The following WWTR1 variants were observed in gnomAD, a reference collection of about 807,000 sequenced individuals.
The protein encoded by WWTR1 is WW domain-containing transcription regulator protein 1.
Under a neutral mutation model 40.1 loss-of-function variants are expected in WWTR1, and 13 were observed. The ratio of observed to expected loss-of-function variants is 0.32; its 90% CI spans 0.21 to 0.52. WWTR1 has a LOEUF of 0.52. Ranked by LOEUF, WWTR1 falls within the 20% of genes least tolerant of loss-of-function variation. The pLI is 0.97. For missense variants in WWTR1, 436 were observed against 523.1 expected, an observed-to-expected ratio of 0.83 and a Z score of 1.63; for synonymous variants, 230 against 210.1, an observed-to-expected ratio of 1.09 and a Z score of -0.82.
At chr3:149,683,740 C>T (rs991521888) in intron 1 of WWTR1, among the ~76,000 whole-genome samples, 2 of 151,936 alleles carry the variant, frequency 1.3e-5, no homozygotes, top group Admixed American at 1.3e-4. Context: ...TAGACAAGAG[C>T]CAGGGGTCTG....
chr3:149,562,648 A>ACAG lies in WWTR1; in HGVS notation c.568+10215_568+10216insCTG, dbSNP rs1560061626. Among the ~76,000 whole-genome samples the ACAG allele has an allele frequency of 3.2e-4, 43 of 134,986 alleles. 2 individuals are homozygous for ACAG. Among genetic ancestry groups the ACAG allele is most frequent in the African/African-American group, 9.8e-4 (36 of 36,698 alleles). 88.6% of individuals were successfully genotyped at this position (134,986 alleles called of 152,430 possible). A position where few individuals can be genotyped will look rare whatever the true frequency, so the allele number is the denominator to read the frequency against. On this transcript the variant is annotated intron_variant, in intron 3 of 6. Transcript: ENST00000360632. ...ACACACACACACACACACACACACA[A>ACAG]AGGGGGAGGGGTGATCTTCTTTTTA... is the stretch of plus-strand genomic sequence containing the variant.
rs183497406 is a variant in WWTR1, at chr3:149,574,444, A to G, written c.432-1444T>C. On this transcript the variant is annotated intron_variant, in intron 2 of 6. Coordinates refer to ENST00000360632, the MANE Select transcript of WWTR1 (RefSeq NM_015472.6). ...CCTCACAACCAGGTGGGTCTCTTCCAGTCAGGCCCCCACCATTGACCTTCC... is the reference window on the plus strand; with the variant it reads ...CCTCACAACCAGGTGGGTCTCTTCCGGTCAGGCCCCCACCATTGACCTTCC... Among the ~76,000 whole-genome samples the G allele has an allele frequency of 5.1e-4, 77 of 152,292 alleles. 1 individual carries two copies. In the East Asian group the frequency reaches 0.014, roughly 27 times the overall value.
chr3:149,538,495 G>A (rs567055920), intron 4 of WWTR1, among the ~76,000 whole-genome samples: 16 of 152,212 alleles, frequency 1.1e-4, no homozygotes, highest in African/African-American at 3.4e-4. Flanking sequence ...AGTGTCTGCC[G>A]CATTCCAAGA....
At chr3:149,591,917 T>C (rs901988672) in intron 2 of WWTR1, among the ~76,000 whole-genome samples, 2 of 152,200 alleles carry the variant, frequency 1.3e-5, no homozygotes, top group African/African-American at 2.4e-5. Flanking sequence ...AATTAGTGAA[T>C]ACAAAGTCAT....
intron 2 of WWTR1, among the ~76,000 whole-genome samples, chr3:149,577,352 T>C (rs1737930898): frequency 6.6e-6 from 1 of 152,098 alleles, no homozygotes. Context: ...TTTCCTCGAC[T>C]TAAAAAAAAG....
At chr3:149,530,452 C>T (rs974759396) in intron 4 of WWTR1, among the ~76,000 whole-genome samples, 2 of 151,596 alleles carry the variant, frequency 1.3e-5, no homozygotes, top group African/African-American at 4.8e-5. Flanking sequence ...AAAAAATACA[C>T]TATATATAAC....
Position 149,526,021 on chromosome 3 carries a change from A to T in WWTR1, c.1010T>A (p.Met337Lys), listed in dbSNP as rs1200146661. The T allele has an allele frequency of 6.2e-7, 1 of 1,600,414 alleles. No individual in the cohort carries two copies. Among genetic ancestry groups the T allele is most frequent in the Non-Finnish European group, 8.5e-7 (1 of 1,173,048 alleles). The change falls in exon 6 of 7, where the codon ATG (methionine) becomes AAG (lysine). Residue 337 changes from methionine to lysine, a missense_variant. Met to Lys is a moderately conservative substitution (Grantham distance 95). Transcript: ENST00000360632. ...GCAGGCTTTGCTCCTACCTGTATCC[A>T]TCTCATCCACATTGCTGAGGAAGTC... Reference protein sequence around the residue: ...PEDFLSNVDEMDTGENAGQTP... With the variant: ...PEDFLSNVDEKDTGENAGQTP...
At chr3:149,671,476 C>T (rs1381135171) in intron 1 of WWTR1, among the ~76,000 whole-genome samples, 2 of 152,182 alleles carry the variant, frequency 1.3e-5, no homozygotes, top group Non-Finnish European at 2.9e-5. Flanking sequence ...GGCATATCCC[C>T]TAACAGAATG....
At chr3:149,622,506 A>AAGGAAGGAAGGAAGGAAGG (rs1560089799) in intron 2 of WWTR1, among the ~76,000 whole-genome samples, 5 of 91,672 alleles carry the variant, frequency 5.5e-5, no homozygotes, top group Admixed American at 2.1e-4. Context: ...AGGAAGGAAG[A>AAGGAAGGAAGGAAGGAAGG]AAGAAAGAAA....
At chr3:149,569,080 A>G (rs13086210) in intron 3 of WWTR1, among the ~76,000 whole-genome samples, 16,453 of 152,134 alleles carry the variant, frequency 0.11, 1,125 homozygotes, top group Non-Finnish European at 0.15. Context: ...AAGCTCTTAT[A>G]AAAAATAAGG....
At chr3:149,582,720 ACT>A (rs1156522026) in intron 2 of WWTR1, among the ~76,000 whole-genome samples, 4 of 151,620 alleles carry the variant, frequency 2.6e-5, no homozygotes, top group Admixed American at 6.6e-5. Context: ...GCAGAGCAAA[ACT>A]CTGTCTCAAA....
chr3:149,612,855 C>T (rs1434934649), intron 2 of WWTR1, among the ~76,000 whole-genome samples: 2 of 152,140 alleles, frequency 1.3e-5, no homozygotes, highest in Non-Finnish European at 2.9e-5. Flanking sequence ...ACTCACAATC[C>T]ACCTACACTG....
At chr3:149,529,746 C>G (rs1453167081) in intron 4 of WWTR1, among the ~76,000 whole-genome samples, 2 of 152,188 alleles carry the variant, frequency 1.3e-5, no homozygotes, top group Non-Finnish European at 2.9e-5. Context: ...GGGATTGAAT[C>G]TGGCATAAAA....
At chr3:149,576,258 T>G (rs934769233) in intron 2 of WWTR1, 2 of 356,734 alleles carry the variant, frequency 5.6e-6, no homozygotes, top group African/African-American at 4.3e-5. Flanking sequence ...AATACAGCCT[T>G]GATGATTTCA....
intron 2 of WWTR1, among the ~76,000 whole-genome samples, chr3:149,643,661 C>T (rs1712321738): frequency 6.6e-6 from 1 of 152,082 alleles, no homozygotes; most frequent in African/African-American, 2.4e-5. Flanking sequence ...CTTTATTTTC[C>T]TTATTTTTCT....
intron 1 of WWTR1, among the ~76,000 whole-genome samples, chr3:149,677,412 T>C (rs1308718595): frequency 2.6e-5 from 4 of 152,250 alleles, no homozygotes; most frequent in African/African-American, 4.8e-5. Flanking sequence ...CTTCCCATTA[T>C]CCAGTGTCTT....
At chr3:149,680,481 T>G (rs965192042) in intron 1 of WWTR1, among the ~76,000 whole-genome samples, 3 of 151,824 alleles carry the variant, frequency 2.0e-5, no homozygotes, top group African/African-American at 7.3e-5. Context: ...GAGGCGGAGG[T>G]TGCAGTGAGC....
At chr3:149,637,956 C>T (rs1711930363) in intron 2 of WWTR1, among the ~76,000 whole-genome samples, 1 of 152,164 alleles carries the variant, frequency 6.6e-6, no homozygotes, top group African/African-American at 2.4e-5. Flanking sequence ...GTGGCTCACG[C>T]CTGTAATCCC....
intron 2 of WWTR1, among the ~76,000 whole-genome samples, chr3:149,603,357 T>C (rs1331456098): frequency 6.6e-6 from 1 of 152,140 alleles, no homozygotes. Context: ...GGAATGCAAA[T>C]GAAGACAGGC....
Sources: gnomAD v4.1 joint callset for allele counts (sites outside exome capture counted in the v4.1 genomes callset) on GRCh38, gnomAD v4.1.1 for gene constraint, MANE v1.5 for transcripts, NCBI Gene and HGNC (gene_info 2026-07-23, HGNC 2026-07-21) for gene names.